The following MME variants were observed in gnomAD, a reference collection of about 807,000 sequenced individuals.
The protein encoded by MME is membrane metalloendopeptidase.
MME carries 98 observed loss-of-function variants against 113.2 expected under a neutral mutation model. The observed-to-expected ratio is 0.87, with a 90% CI of 0.74 to 1.02. The LOEUF (loss-of-function observed/expected upper bound fraction) is 1.02. Among genes scored for constraint, MME ranks in the 50% least tolerant of loss-of-function variants. The pLI is 0.00. For synonymous variants in MME, 292 were observed against 300.6 expected (o/e 0.97, Z 0.30); for missense variants, 836 against 896.0 (o/e 0.93, Z 0.86).
intron 1 of MME, among the ~76,000 whole-genome samples, chr3:155,068,029 A>G (rs546943460): frequency 4.6e-5 from 7 of 152,368 alleles, no homozygotes; most frequent in Admixed American, 2.0e-4. Context: ...AATTAAACAA[A>G]TTTCTATCAA....
intron 16 of MME, among the ~76,000 whole-genome samples, chr3:155,149,944 A>G (rs776036870): frequency 6.6e-5 from 10 of 152,210 alleles, no homozygotes; most frequent in Admixed American, 3.3e-4. Context: ...CTGGGAAAGA[A>G]AGAGAGTGAA....
intron 20 of MME, among the ~76,000 whole-genome samples, chr3:155,170,259 G>A (rs1576671101): frequency 1.3e-5 from 2 of 152,244 alleles, no homozygotes; most frequent in East Asian, 3.9e-4. Context: ...TGGCCAGGCT[G>A]GTCTCAAACT....
intron 12 of MME, 143 bp downstream of exon 12, chr3:155,142,473 G>T: frequency 3.0e-6 from 2 of 671,474 alleles, no homozygotes; most frequent in Non-Finnish European, 5.2e-6. Flanking sequence ...ACATATTTAG[G>T]ACATGTTGCT....
chr3:155,168,747 A>T lies in MME; in HGVS notation c.1930A>T (p.Thr644Ser). 1 of 1,613,372 alleles carries T rather than the reference A, an allele frequency of 6.2e-7. No homozygotes were observed. Among genetic ancestry groups the T allele is most frequent in the Non-Finnish European group, 8.5e-7 (1 of 1,179,440 alleles). The change falls in exon 20 of 23, where the codon ACA becomes TCA. Residue 644 changes from threonine (T) to serine (S), a missense_variant. Coordinates refer to ENST00000360490, the MANE Select transcript of MME (RefSeq NM_007289.4). ...AGGQHLNGIN[T>S]LGENIADNGG... ...TTTTTAACAGCTTAATGGAATTAAT[A>T]CACTGGGAGAAAACATTGCTGATAA... is the stretch of plus-strand genomic sequence containing the variant.
chr3:155,130,061 G>C (rs1315938824), intron 8 of MME, among the ~76,000 whole-genome samples: 1 of 152,168 alleles, frequency 6.6e-6, no homozygotes, highest in Non-Finnish European at 1.5e-5. Context: ...AAGAGCAATT[G>C]TTATCTTACT....
Position 155,182,417 on chromosome 3 carries a change from T to C in MME, c.*1958T>C, listed in dbSNP as rs200575427. 4 of 152,236 alleles carry C rather than the reference T, an allele frequency of 2.6e-5. No homozygotes were observed. The highest frequency in any genetic ancestry group is 5.9e-5 in the Non-Finnish European group (4 of 68,038). 9.4% of individuals were successfully genotyped at this position (152,236 alleles called of 1,614,324 possible). On this transcript the variant is annotated 3_prime_UTR_variant, in exon 23 of 23. Transcript: ENST00000360490. Reference sequence around the variant, plus strand: ...TACTTGAGCCTTTAATGGACTTATTTCTTCAAATCCTTCCAAAAATTATTA... The same window carrying C: ...TACTTGAGCCTTTAATGGACTTATTCCTTCAAATCCTTCCAAAAATTATTA...
At chr3:155,070,695 T>G (rs575236915) in intron 1 of MME, among the ~76,000 whole-genome samples, 3 of 152,308 alleles carry the variant, frequency 2.0e-5, no homozygotes, top group African/African-American at 7.2e-5. Flanking sequence ...AAGTTGGGAA[T>G]TGATTACATT....
chr3:155,122,313 T>C (rs1394199170), intron 8 of MME, among the ~76,000 whole-genome samples: 1 of 151,034 alleles, frequency 6.6e-6, no homozygotes, highest in African/African-American at 2.4e-5. Flanking sequence ...TCTCTTTTTT[T>C]CTTTATTAGT....
chr3:155,140,668 A>G (rs569778814), intron 10 of MME, among the ~76,000 whole-genome samples: 17 of 152,200 alleles, frequency 1.1e-4, no homozygotes, highest in Admixed American at 3.3e-4. Context: ...ACAGCCTCCC[A>G]AAGTGTTAGC....
chr3:155,161,986 T>TTCTG (rs1722752985), intron 17 of MME, among the ~76,000 whole-genome samples: 1 of 152,202 alleles, frequency 6.6e-6, no homozygotes, highest in Non-Finnish European at 1.5e-5. Context: ...TATTCAGTAG[T>TTCTG]TCTGTCAGTG....
chr3:155,141,757 G>C (rs1240965159), intron 10 of MME, among the ~76,000 whole-genome samples: 1 of 152,012 alleles, frequency 6.6e-6, no homozygotes, highest in Non-Finnish European at 1.5e-5. Flanking sequence ...CTAATTTCTA[G>C]GTATATGTTC....
intron 22 of MME, among the ~76,000 whole-genome samples, chr3:155,178,176 A>G (rs551032464): frequency 2.0e-5 from 3 of 152,260 alleles, no homozygotes; most frequent in Admixed American, 2.0e-4. Flanking sequence ...TTCTGACTCC[A>G]CTTCACCTCA....
At chr3:155,078,962 T>C (rs749002173), upstream of MME, among the ~76,000 whole-genome samples, 2 of 152,110 alleles carry the variant, frequency 1.3e-5, no homozygotes, top group Admixed American at 6.5e-5. Context: ...TACGGCTGAT[T>C]TCAGTAGGTA....
rs142421146 is a variant in MME, at chr3:155,084,209, C to T, written c.42C>T (p.Asn14=). ...GTCAGATGGATATAACTGATATCAACACTCCAAAGCCAAAGAAGAAACAGC... is the reference window on the plus strand; with the variant it reads ...GTCAGATGGATATAACTGATATCAATACTCCAAAGCCAAAGAAGAAACAGC... ...SESQMDITDI[N]TPKPKKKQRW... is the part of the protein sequence containing the mutation. The change falls in exon 2 of 23, where the codon AAC becomes AAT. Residue 14 remains asparagine (N), a synonymous_variant. Coordinates refer to ENST00000360490, the MANE Select transcript of MME (RefSeq NM_007289.4). 202 of 1,614,070 alleles carry T rather than the reference C, an allele frequency of 1.3e-4. No homozygotes were observed. The East Asian group carries it at 4.4e-3, about 35-fold the overall frequency.
Position 155,182,138 on chromosome 3 carries a change from G to C in MME, c.*1679G>C, listed in dbSNP as rs1713154223. ...CTAATATCATTCACTAGCTTTGCCT[G>C]GTTTTGTCTTTTATGCAGATAGAAT... On this transcript the variant is annotated 3_prime_UTR_variant, in exon 23 of 23. Transcript: ENST00000360490. The C allele has an allele frequency of 1.3e-5, 2 of 152,084 alleles. No individual in the cohort carries two copies. Among genetic ancestry groups the C allele is most frequent in the African/African-American group, 4.8e-5 (2 of 41,412 alleles). 9.4% of individuals were successfully genotyped at this position (152,084 alleles called of 1,614,324 possible).
chr3:155,035,344 A>T (rs990663064), intron 1 of MME, among the ~76,000 whole-genome samples: 2 of 148,884 alleles, frequency 1.3e-5, no homozygotes, highest in African/African-American at 4.9e-5. Flanking sequence ...TATATAAATA[A>T]TAAAATAATA....
chr3:155,051,728 G>C (rs995125782), intron 1 of MME, among the ~76,000 whole-genome samples: 1 of 151,954 alleles, frequency 6.6e-6, no homozygotes, highest in Non-Finnish European at 1.5e-5. Context: ...ATTTTGGTGG[G>C]GATACAAAGC....
At chr3:155,112,589 C>A (rs944564661) in intron 3 of MME, 1 of 152,182 alleles carries the variant, frequency 6.6e-6, no homozygotes, top group Non-Finnish European at 1.5e-5. Flanking sequence ...GAATATGAAT[C>A]TGCCTGTGGA....
chr3:155,088,800 A>G (rs977264975), intron 3 of MME, among the ~76,000 whole-genome samples: 1 of 152,142 alleles, frequency 6.6e-6, no homozygotes, highest in Non-Finnish European at 1.5e-5. Context: ...TTCAAACCTG[A>G]GCTCAGAAAT....
Sources: allele counts gnomAD v4.1 joint callset (sites outside exome capture counted in the v4.1 genomes callset), GRCh38; gene constraint gnomAD v4.1.1; transcripts MANE v1.5; gene names NCBI Gene and HGNC (gene_info 2026-07-23, HGNC 2026-07-21).